ARHGAP26: variants seen among roughly 807,000 people sequenced by gnomAD.
The protein encoded by ARHGAP26 is Rho GTPase activating protein 26.
In ARHGAP26, 38 loss-of-function variants were observed where a neutral mutation model predicts 104.8. The ratio of observed to expected loss-of-function variants is 0.36; its 90% CI spans 0.28 to 0.48. The LOEUF is 0.48. Among genes scored for constraint, ARHGAP26 ranks in the 20% least tolerant of loss-of-function variants. The pLI is 0.99. For missense variants in ARHGAP26, 704 were observed against 947.9 expected (o/e 0.74, Z 3.38); for synonymous variants, 341 against 340.0 (o/e 1.00, Z -0.03).
intron 17 of ARHGAP26, among the ~76,000 whole-genome samples, chr5:143,106,133 A>G (rs1326776558): frequency 2.6e-5 from 4 of 152,176 alleles, no homozygotes; most frequent in Non-Finnish European, 4.4e-5. Flanking sequence ...AGCTCTTTAT[A>G]TAATCCAGCT....
intron 11 of ARHGAP26, among the ~76,000 whole-genome samples, chr5:142,991,142 C>G (rs1775552759): frequency 6.6e-6 from 1 of 152,190 alleles, no homozygotes; most frequent in African/African-American, 2.4e-5. Context: ...CTTTGTTTAC[C>G]TACTCAAGCC....
rs777926681 is a variant in ARHGAP26, at chr5:142,770,801, G to T, written c.40G>T (p.Asp14Tyr). The T allele has an allele frequency of 3.1e-6, 5 of 1,597,832 alleles. No homozygotes were observed. The highest frequency in any genetic ancestry group is 2.7e-5 in the African/African-American group (2 of 73,454). ...GCTCGAGTTCAGCGACTGCTGCCTCGATAGTCCGCACTTCCGAGAGACGCT... is the reference window on the plus strand; with the variant it reads ...GCTCGAGTTCAGCGACTGCTGCCTCTATAGTCCGCACTTCCGAGAGACGCT... ...PALEFSDCCL[D>Y]SPHFRETLKS... The change falls in exon 1 of 23, where the codon GAT becomes TAT. Residue 14 changes from aspartate to tyrosine, a missense_variant. Coordinates refer to ENST00000645722, the MANE Select transcript of ARHGAP26 (RefSeq NM_001135608.3).
At chr5:142,860,162 CT>C in intron 1 of ARHGAP26, 1 of 152,204 alleles carries the variant, frequency 6.6e-6, no homozygotes, top group Non-Finnish European at 1.5e-5. Context: ...CTGGATCTCA[CT>C]TGCAAAACAC....
In ARHGAP26 at chr5:143,157,172, CT is replaced by C. The variant is rs56740224; in HGVS notation, c.1988+9810del. Among the ~76,000 whole-genome samples, 339 of 141,268 alleles carry C rather than the reference CT, an allele frequency of 2.4e-3. 4 individuals are homozygous for C. In the East Asian group the frequency reaches 0.044, roughly 18 times the overall value. 92.7% of individuals were successfully genotyped at this position (141,268 alleles called of 152,430 possible). A position where few individuals can be genotyped will look rare whatever the true frequency, so the allele number is the denominator to read the frequency against. On this transcript the variant is annotated intron_variant, in intron 20 of 22. Transcript: ENST00000645722. ...TTGGACTAAGTTCAACACATTCTTT[CT>C]TTTTTTTTTTTTTTTTTTCTCGAGA...
At chr5:143,172,048 G>C (rs1802851776) in intron 20 of ARHGAP26, among the ~76,000 whole-genome samples, 1 of 152,172 alleles carries the variant, frequency 6.6e-6, no homozygotes, top group Admixed American at 6.5e-5. Flanking sequence ...AATCTGTGCA[G>C]GCAACCATCA....
At chr5:143,188,327 A>T (rs1280618189) in intron 20 of ARHGAP26, among the ~76,000 whole-genome samples, 2 of 152,230 alleles carry the variant, frequency 1.3e-5, no homozygotes, top group East Asian at 1.9e-4. Context: ...AGGCCAGAGC[A>T]GGAATAGTAT....
intron 11 of ARHGAP26, among the ~76,000 whole-genome samples, chr5:142,997,958 T>C (rs1776646131): frequency 6.6e-6 from 1 of 152,094 alleles, no homozygotes; most frequent in African/African-American, 2.4e-5. Context: ...GCAGCAGAAA[T>C]TGAATAAGGT....
intron 1 of ARHGAP26, among the ~76,000 whole-genome samples, chr5:142,797,157 G>T (rs562875748): frequency 3.7e-4 from 56 of 152,182 alleles, no homozygotes; most frequent in Non-Finnish European, 1.3e-4. Flanking sequence ...AAATAGCCCG[G>T]ATATACCTCT....
At chr5:142,902,252 A>G (rs779748551) in intron 7 of ARHGAP26, among the ~76,000 whole-genome samples, 4 of 152,008 alleles carry the variant, frequency 2.6e-5, no homozygotes, top group Admixed American at 6.6e-5. Flanking sequence ...TCAAAGCCCT[A>G]TTTATGTTCT....
chr5:142,862,246 A>T (rs2152311793), intron 1 of ARHGAP26, among the ~76,000 whole-genome samples: 1 of 152,338 alleles, frequency 6.6e-6, no homozygotes, highest in South Asian at 2.1e-4. Context: ...TGGACCCTGG[A>T]AGAGGCAGGC....
At chr5:143,192,111 G>A (rs866638685) in intron 20 of ARHGAP26, among the ~76,000 whole-genome samples, 17 of 152,204 alleles carry the variant, frequency 1.1e-4, no homozygotes, top group Admixed American at 9.8e-4. Flanking sequence ...GTGTGCAAGA[G>A]ATAAAAGAGG....
chr5:143,189,470 A>G (rs1206676493), intron 20 of ARHGAP26, among the ~76,000 whole-genome samples: 1 of 152,056 alleles, frequency 6.6e-6, no homozygotes, highest in Non-Finnish European at 1.5e-5. Context: ...CCTTGATTTT[A>G]GTTGATTTCA....
At chr5:143,203,630 T>C in intron 20 of ARHGAP26, 1 of 152,236 alleles carries the variant, frequency 6.6e-6, no homozygotes, top group African/African-American at 2.4e-5. Context: ...CACGTATGTT[T>C]ATTGCAGCAC....
chr5:143,217,795 T>C (rs1018361965), intron 22 of ARHGAP26, among the ~76,000 whole-genome samples: 3 of 152,202 alleles, frequency 2.0e-5, no homozygotes, highest in Admixed American at 2.0e-4. Flanking sequence ...CTGACACATC[T>C]TGTCACTGGC....
chr5:143,085,157 T>G (rs1196366593), intron 17 of ARHGAP26, among the ~76,000 whole-genome samples: 1 of 152,088 alleles, frequency 6.6e-6, no homozygotes, highest in Non-Finnish European at 1.5e-5. Context: ...CTTGATTCGC[T>G]TGTTTTTCTT....
intron 1 of ARHGAP26, among the ~76,000 whole-genome samples, chr5:142,850,470 A>G (rs1751299593): frequency 1.3e-5 from 2 of 152,202 alleles, no homozygotes; most frequent in African/African-American, 4.8e-5. Context: ...AAAAAACAAC[A>G]TTCTGTATTT....
At chr5:143,047,281 A>G (rs1011175860) in intron 14 of ARHGAP26, among the ~76,000 whole-genome samples, 9 of 152,154 alleles carry the variant, frequency 5.9e-5, no homozygotes, top group African/African-American at 2.2e-4. Flanking sequence ...TTACAGTTCC[A>G]CCGCTTATTT....
At chr5:142,814,258 C>A (rs531695703) in intron 1 of ARHGAP26, among the ~76,000 whole-genome samples, 1 of 152,326 alleles carries the variant, frequency 6.6e-6, no homozygotes, top group South Asian at 2.1e-4. Context: ...ATGGCTAGAG[C>A]CTTCCGGTAA....
rs115335236 is a variant in ARHGAP26, at chr5:142,897,353, A to G, written c.597+3005A>G. Among the ~76,000 whole-genome samples the G allele has an allele frequency of 7.6e-3, 1,151 of 152,348 alleles. 11 individuals are homozygous for G. The highest frequency in any genetic ancestry group is 9.5e-3 in the Non-Finnish European group (643 of 68,022). On this transcript the variant is annotated intron_variant, in intron 6 of 22. Transcript: ENST00000645722. ...GTTAAACTAAATGCTGAGAGGCTGG[A>G]TATAGGATTCAGATGTTTGGCCTTT...
Sources: gnomAD v4.1 joint callset for allele counts (sites outside exome capture counted in the v4.1 genomes callset) on GRCh38, gnomAD v4.1.1 for gene constraint, MANE v1.5 for transcripts, NCBI Gene and HGNC (gene_info 2026-07-23, HGNC 2026-07-21) for gene names.